Variants in SH2D4B observed in about 807,000 individuals in gnomAD.
The protein encoded by SH2D4B is SH2 domain containing 4B.
SH2D4B carries 45 observed loss-of-function variants against 61.5 expected under a neutral mutation model. The observed-to-expected ratio is 0.73, with a 90% confidence interval of 0.58 to 0.94. The LOEUF (loss-of-function observed/expected upper bound fraction) is 0.94. Among genes scored for constraint, SH2D4B ranks in the 40% least tolerant of loss-of-function variants. The pLI is 0.00. For synonymous variants in SH2D4B, 224 were observed against 220.4 expected, an observed-to-expected ratio of 1.02 and a Z score of -0.14; for missense variants, 572 against 574.2, an observed-to-expected ratio of 1.00 and a Z score of 0.04.
In SH2D4B at chr10:80,550,846, C is replaced by G. The variant is rs1273315003; in HGVS notation, c.184+12331C>G. Among the ~76,000 whole-genome samples, 15 of 152,172 alleles carry G rather than the reference C, an allele frequency of 9.9e-5. No individual in the cohort carries two copies. In the East Asian group the frequency reaches 2.9e-3, roughly 29 times the overall value. ...GATCCTAGGCCTGTTCTTCCTGCCA[C>G]AACATAGGAAGCTTCCTCCACACTG... On this transcript the variant is annotated intron_variant, in intron 1 of 7. Transcript: ENST00000646907.
At chr10:80,562,392 G>A (rs934840566) in intron 1 of SH2D4B, among the ~76,000 whole-genome samples, 3 of 152,126 alleles carry the variant, frequency 2.0e-5, no homozygotes, top group African/African-American at 7.2e-5. Flanking sequence ...AAATGACATT[G>A]AATCAAATGA....
At chr10:80,603,473 T>C in intron 4 of SH2D4B, 106 bp from the exon 5 acceptor site, 1 of 1,068,414 alleles carries the variant, frequency 9.4e-7, no homozygotes, top group South Asian at 1.7e-5. Flanking sequence ...TTTTTGCCAC[T>C]ACATTGCAAT....
chr10:80,639,389 A>G (rs1840248552), intron 7 of SH2D4B, among the ~76,000 whole-genome samples: 1 of 152,212 alleles, frequency 6.6e-6, no homozygotes, highest in Non-Finnish European at 1.5e-5. Flanking sequence ...AGGGGGTGTT[A>G]AAGTCTCCCA....
At position 80,588,626 on chromosome 10, in the gene SH2D4B, T is replaced by TCCTC. The variant is rs749194131; in HGVS notation, c.496-4_496-3insCCTC. The TCCTC allele has an allele frequency of 6.2e-7, 1 of 1,613,566 alleles. No individual in the cohort carries two copies. The highest frequency in any genetic ancestry group is 8.5e-7 in the Non-Finnish European group (1 of 1,179,936). On this transcript the variant is annotated splice_polypyrimidine_tract_variant and splice_region_variant and intron_variant, in intron 3 of 7. Coordinates refer to ENST00000646907, the MANE Select transcript of SH2D4B (RefSeq NM_001388272.1). Reference sequence around the variant, plus strand: ...CGTGTTGTTCTGTTCCCATGACATTTTAGAGGAAAGAGGAAGAGGAGAGGA... The same window carrying TCCTC: ...CGTGTTGTTCTGTTCCCATGACATTTCCTCTAGAGGAAAGAGGAAGAGGAGAGGA...
chr10:80,600,435 C>G (rs1564779700), intron 4 of SH2D4B, among the ~76,000 whole-genome samples: 1 of 151,978 alleles, frequency 6.6e-6, no homozygotes, highest in Admixed American at 6.6e-5. Context: ...TGAGCTGACC[C>G]GGTTGGTCTG....
At chr10:80,589,696 A>C (rs12766852) in intron 4 of SH2D4B, among the ~76,000 whole-genome samples, 2 of 152,176 alleles carry the variant, frequency 1.3e-5, no homozygotes, top group African/African-American at 2.4e-5. Context: ...GATGTAGCAC[A>C]TACAACATAG....
At chr10:80,589,344 G>A (rs1460105769) in intron 4 of SH2D4B, among the ~76,000 whole-genome samples, 4 of 152,114 alleles carry the variant, frequency 2.6e-5, no homozygotes, top group Non-Finnish European at 5.9e-5. Flanking sequence ...GCCTAGCCTG[G>A]GCAATATAGT....
chr10:80,608,725 C>T (rs996198737), intron 5 of SH2D4B, among the ~76,000 whole-genome samples: 6 of 152,090 alleles, frequency 3.9e-5, no homozygotes, highest in African/African-American at 1.4e-4. Flanking sequence ...CCATTCCATC[C>T]GTAGTTACCA....
chr10:80,585,981 G>T (rs1181564709), intron 3 of SH2D4B, among the ~76,000 whole-genome samples: 3 of 152,144 alleles, frequency 2.0e-5, no homozygotes, highest in Non-Finnish European at 2.9e-5. Flanking sequence ...CGTCGAGCCG[G>T]CCCCGCCAGC....
chr10:80,579,119 A>T (rs1348519440), intron 3 of SH2D4B, among the ~76,000 whole-genome samples: 1 of 152,066 alleles, frequency 6.6e-6, no homozygotes, highest in Non-Finnish European at 1.5e-5. Flanking sequence ...AGGAGAGGTG[A>T]GAGCTTGGGT....
chr10:80,596,551 G>A (rs1033163237), intron 4 of SH2D4B, among the ~76,000 whole-genome samples: 4 of 152,196 alleles, frequency 2.6e-5, no homozygotes, highest in Admixed American at 2.6e-4. Context: ...TCCAAAAGCA[G>A]CCTGTAGGAG....
intron 1 of SH2D4B, among the ~76,000 whole-genome samples, chr10:80,549,823 G>A (rs1283182643): frequency 6.6e-6 from 1 of 152,234 alleles, no homozygotes; most frequent in Non-Finnish European, 1.5e-5. Flanking sequence ...GGTGGGCAGT[G>A]AGAGGAGCCA....
At chr10:80,623,887 C>A (rs1312723340) in intron 6 of SH2D4B, among the ~76,000 whole-genome samples, 1 of 152,192 alleles carries the variant, frequency 6.6e-6, no homozygotes, top group Non-Finnish European at 1.5e-5. Flanking sequence ...GTCATGGAAA[C>A]CCAGATTGTC....
chr10:80,636,649 G>GT (rs370325042), intron 7 of SH2D4B, among the ~76,000 whole-genome samples: 5,777 of 151,840 alleles, frequency 0.038, 163 homozygotes, highest in African/African-American at 0.078. Context: ...GGGATTGTTT[G>GT]TTTTTTTTCT....
chr10:80,550,467 G>A (rs1367076743), intron 1 of SH2D4B, among the ~76,000 whole-genome samples: 3 of 152,020 alleles, frequency 2.0e-5, no homozygotes, highest in South Asian at 2.1e-4. Context: ...GGTGGCAGGC[G>A]CCTATAGTCC....
intron 3 of SH2D4B, among the ~76,000 whole-genome samples, chr10:80,580,812 G>A (rs1267195318): frequency 6.6e-6 from 1 of 152,176 alleles, no homozygotes; most frequent in Non-Finnish European, 1.5e-5. Flanking sequence ...GGAGAAGGGA[G>A]ATTGAATAAG....
intron 6 of SH2D4B, among the ~76,000 whole-genome samples, chr10:80,622,233 G>T (rs2132153300): frequency 6.6e-6 from 1 of 151,894 alleles, no homozygotes; most frequent in Admixed American, 6.5e-5. Context: ...CCAATAAGCA[G>T]CCATTCTGAT....
intron 1 of SH2D4B, among the ~76,000 whole-genome samples, chr10:80,567,313 G>C (rs1331800518): frequency 6.6e-6 from 1 of 152,192 alleles, no homozygotes. Context: ...TCATCTGTGG[G>C]CTGAGGAAGA....
At chr10:80,632,254 C>T (rs1842841357) in intron 6 of SH2D4B, among the ~76,000 whole-genome samples, 1 of 151,962 alleles carries the variant, frequency 6.6e-6, no homozygotes, top group Admixed American at 6.6e-5. Flanking sequence ...TTATACCCAG[C>T]CAAGAGGGTA....
Sources: allele counts gnomAD v4.1 joint callset (sites outside exome capture counted in the v4.1 genomes callset), GRCh38; gene constraint gnomAD v4.1.1; transcripts MANE v1.5; gene names NCBI Gene and HGNC (gene_info 2026-07-23, HGNC 2026-07-21).